Variants in SDK2 observed in about 807,000 individuals in gnomAD.
The protein encoded by SDK2 is protein sidekick-2.
A neutral mutation model predicts 253.9 loss-of-function variants in SDK2; 105 were observed. The ratio of observed to expected loss-of-function variants is 0.41; its 90% CI spans 0.35 to 0.49. The LOEUF (loss-of-function observed/expected upper bound fraction) is 0.49. Among genes scored for constraint, SDK2 ranks in the 20% least tolerant of loss-of-function variants. The probability of loss-of-function intolerance (pLI) is 0.06; values close to 1 mark genes in which losing one functional copy is unlikely to be tolerated. For missense variants in SDK2, 2,608 were observed against 3,003.0 expected, an observed-to-expected ratio of 0.87 and a Z score of 3.07; for synonymous variants, 1,249 against 1,234.9, an observed-to-expected ratio of 1.01 and a Z score of -0.24.
intron 1 of SDK2, among the ~76,000 whole-genome samples, chr17:73,583,960 A>C (rs1210112962): frequency 6.6e-6 from 1 of 152,232 alleles, no homozygotes; most frequent in Non-Finnish European, 1.5e-5. Context: ...TTCCGATGAT[A>C]GGACCCTGGC....
In SDK2 at chr17:73,361,738, T is replaced by C; in HGVS notation, c.5413A>G (p.Thr1805Ala). The C allele has an allele frequency of 1.2e-6, 2 of 1,613,440 alleles. No homozygotes were observed. Among genetic ancestry groups the C allele is most frequent in the East Asian group, 2.2e-5 (1 of 44,860 alleles). The change falls in exon 39 of 45, where the codon ACC becomes GCC. Residue 1805 changes from threonine (T) to alanine (A), a missense_variant. This residue lies in a region of SDK2 where 1,103 missense variants were observed against 1,143.9 expected (regional missense o/e 0.96). Coordinates refer to ENST00000392650, the MANE Select transcript of SDK2 (RefSeq NM_001144952.2). The surrounding 1 kb of genome is among the most constrained non-coding windows in gnomAD (Gnocchi z 4.1). ...VTYRFRIRAKTFTYGPEIEAN... is the reference protein window; with the variant it reads ...VTYRFRIRAKAFTYGPEIEAN... ...TCGATCTCCGGCCCGTAGGTGAAGG[T>C]CTTGGCTCTGATGCGGAACCTGTAG...
chr17:73,440,108 C>CTT (rs112008765), intron 6 of SDK2, among the ~76,000 whole-genome samples: 14 of 138,686 alleles, frequency 1.0e-4, no homozygotes, highest in South Asian at 2.3e-4. Flanking sequence ...AGCCCATACT[C>CTT]TTTTTTTTTT....
intron 24 of SDK2, 41 bp downstream of exon 24, chr17:73,397,994 C>T: frequency 1.3e-6 from 2 of 1,599,748 alleles, no homozygotes; most frequent in Non-Finnish European, 1.7e-6. Flanking sequence ...TGACCAGAAG[C>T]TCATGGAGAG....
At chr17:73,543,363 CA>C (rs1447926120) in intron 1 of SDK2, among the ~76,000 whole-genome samples, 1 of 152,150 alleles carries the variant, frequency 6.6e-6, no homozygotes, top group African/African-American at 2.4e-5. Context: ...CACACCAGGG[CA>C]GGTGCCATGC....
chr17:73,418,591 C>A (rs1385395298), intron 16 of SDK2, among the ~76,000 whole-genome samples: 1 of 152,182 alleles, frequency 6.6e-6, no homozygotes, highest in African/African-American at 2.4e-5. Flanking sequence ...TCTAGAATAT[C>A]AATGAGAGTT....
chr17:73,429,261 T>A (rs146695638), intron 12 of SDK2, among the ~76,000 whole-genome samples: 2 of 152,304 alleles, frequency 1.3e-5, no homozygotes, highest in East Asian at 3.9e-4. Flanking sequence ...TTTTTACAGT[T>A]GGTATGTTAA....
At chr17:73,507,996 AAGG>A (rs1325628336) in intron 1 of SDK2, among the ~76,000 whole-genome samples, 6 of 152,334 alleles carry the variant, frequency 3.9e-5, no homozygotes, top group Non-Finnish European at 7.4e-5. Flanking sequence ...TCAATGTCAC[AAGG>A]AGAATAGGGA....
At chr17:73,390,175 C>A in intron 29 of SDK2, 112 bp downstream of exon 29, 1 of 931,070 alleles carries the variant, frequency 1.1e-6, no homozygotes, top group South Asian at 1.9e-5. Context: ...ACCTTCCATT[C>A]TCATCCAGGG....
intron 1 of SDK2, among the ~76,000 whole-genome samples, chr17:73,508,620 G>A (rs1195888061): frequency 3.9e-5 from 6 of 152,302 alleles, no homozygotes; most frequent in South Asian, 2.1e-4. Context: ...CCATATGCTC[G>A]TCTAATCTTC....
chr17:73,399,065 G>T, intron 22 of SDK2, 103 bp downstream of exon 22: 3 of 1,171,462 alleles, frequency 2.6e-6, no homozygotes, highest in Non-Finnish European at 3.7e-6. Flanking sequence ...ATTGAGAGCT[G>T]CACATGAAAA....
rs771318640 is a variant in SDK2 at position 73,350,714 on chromosome 17, C to G, written c.5835G>C (p.Leu1945=). 6.2e-7 allele frequency: 1 copy of G among 1,613,808 alleles called. No individual in the cohort carries two copies. The highest frequency in any genetic ancestry group is 8.5e-7 in the Non-Finnish European group (1 of 1,179,832). The change falls in exon 42 of 45, where the codon CTG becomes CTC. Residue 1945 remains leucine, a synonymous_variant. Transcript: ENST00000392650. ...GGATGATGAGCACGAAGACCAGAAG[C>G]AGGATGAAGATGAGGCCGACCAGGG... The part of the protein sequence containing the change: ...VIALVGLIFI[L]LLVFVLIIRG...
intron 1 of SDK2, among the ~76,000 whole-genome samples, chr17:73,579,483 T>G (rs1042017803): frequency 5.9e-5 from 9 of 152,154 alleles, no homozygotes; most frequent in African/African-American, 2.2e-4. Flanking sequence ...CGACCCTCAC[T>G]GACTGAGCTC....
chr17:73,644,017 C>T lies in SDK2; in HGVS notation c.64+8G>A. 6.5e-7 allele frequency: 1 copy of T among 1,549,380 alleles called. No individual in the cohort carries two copies. The highest frequency in any genetic ancestry group is 1.2e-5 in the South Asian group (1 of 83,888). On this transcript the variant is annotated splice_region_variant and intron_variant, in intron 1 of 44. Transcript: ENST00000392650. The surrounding 1 kb of genome is among the most constrained non-coding windows in gnomAD (Gnocchi z 6.3). ...CCTCCCTGTCCCCACGTGGGGGTCC[C>T]TCCTTACCTTGGGCTCTGGCCGCGC... is the stretch of plus-strand genomic sequence containing the variant.
At chr17:73,573,237 C>T (rs1014909741) in intron 1 of SDK2, among the ~76,000 whole-genome samples, 2 of 152,184 alleles carry the variant, frequency 1.3e-5, no homozygotes, top group Admixed American at 6.5e-5. Context: ...AGTGGGTGCA[C>T]GAGGTGGCTC....
At chr17:73,349,800 C>G (rs921872591) in intron 43 of SDK2, among the ~76,000 whole-genome samples, 4 of 152,150 alleles carry the variant, frequency 2.6e-5, no homozygotes, top group African/African-American at 9.7e-5. Flanking sequence ...GGTGCTCAGG[C>G]GTCCTTCGCT....
chr17:73,449,955 C>A (rs995797212), intron 4 of SDK2, among the ~76,000 whole-genome samples: 1 of 152,074 alleles, frequency 6.6e-6, no homozygotes, highest in Non-Finnish European at 1.5e-5. Flanking sequence ...AACAAAAAAA[C>A]AAGAAACAAA....
chr17:73,369,089 C>G, intron 36 of SDK2: 1 of 447,200 alleles, frequency 2.2e-6, no homozygotes, highest in South Asian at 1.6e-5. Context: ...AGACCCTGGT[C>G]TCTGCCAGAC....
chr17:73,387,491 G>A lies in SDK2; in HGVS notation c.4394+345C>T, dbSNP rs80337454. 2.2e-3 allele frequency among the ~76,000 whole-genome samples: 340 copies of A among 152,244 alleles called. 4 individuals carry two copies. Among genetic ancestry groups the A allele is most frequent in the African/African-American group, 7.8e-3 (323 of 41,538 alleles). On this transcript the variant is annotated intron_variant, in intron 30 of 44. Coordinates refer to ENST00000392650, the MANE Select transcript of SDK2 (RefSeq NM_001144952.2). ...ATTGAAGCTAGAATTTCGGAGTGAC[G>A]CTCCACTCCCCTATTAAAGCTGGAG...
At chr17:73,362,580 A>G (rs1419198121) in intron 38 of SDK2, among the ~76,000 whole-genome samples, 2 of 152,086 alleles carry the variant, frequency 1.3e-5, no homozygotes, top group African/African-American at 4.8e-5. Context: ...TTGTAGAGAC[A>G]GGGTCTCATT....
Sources: gnomAD v4.1 joint callset for allele counts (sites outside exome capture counted in the v4.1 genomes callset) on GRCh38, gnomAD v4.1.1 for gene constraint, gnomAD v4.1.1 regional missense constraint, Gnocchi (gnomAD v3.1) non-coding constraint, MANE v1.5 for transcripts, NCBI Gene and HGNC (gene_info 2026-07-23, HGNC 2026-07-21) for gene names.